Variants in PTCHD4 observed in about 807,000 individuals in gnomAD.
PTCHD4 encodes the protein patched domain containing 4.
Under a neutral mutation model 58.1 loss-of-function variants are expected in PTCHD4, and 33 were observed. That is an observed-to-expected ratio of 0.57 (90% CI 0.43 to 0.76). The LOEUF is 0.76. Ranked by LOEUF, PTCHD4 falls within the 30% of genes least tolerant of loss-of-function variation. The pLI, the probability that PTCHD4 is intolerant of heterozygous loss-of-function variation, is 0.00. For missense variants in PTCHD4, 1,058 were observed against 1,027.1 expected (o/e 1.03, Z -0.41); for synonymous variants, 478 against 409.6 (o/e 1.17, Z -2.02).
intron 3 of PTCHD4, among the ~76,000 whole-genome samples, chr6:48,015,045 T>G (rs1762820400): frequency 6.6e-6 from 1 of 152,144 alleles, no homozygotes; most frequent in African/African-American, 2.4e-5. Context: ...TTCAACTTCT[T>G]CTTTTCCCCA....
At chr6:47,974,307 C>T (rs540411032) in intron 4 of PTCHD4, among the ~76,000 whole-genome samples, 1 of 152,338 alleles carries the variant, frequency 6.6e-6, no homozygotes, top group Non-Finnish European at 1.5e-5. Context: ...TTTTCTCCTT[C>T]ATGCTTCCTA....
chr6:48,103,431 T>C (rs1308239740), intron 1 of PTCHD4, among the ~76,000 whole-genome samples: 1 of 152,078 alleles, frequency 6.6e-6, no homozygotes. Flanking sequence ...AGAAAGGACA[T>C]CCACACCAAA....
rs1250452399 is a variant in PTCHD4 at position 47,860,756 on chromosome 6, C to T, written c.*17547G>A. Among the ~76,000 whole-genome samples, 1 of 151,924 alleles carries T rather than the reference C, an allele frequency of 6.6e-6. No homozygotes were observed. The highest frequency in any genetic ancestry group is 1.5e-5 in the Non-Finnish European group (1 of 67,922). On this transcript the variant is annotated 3_prime_UTR_variant, in exon 5 of 5. Transcript: ENST00000339488. ...GGTAGAGGGTTAAAAACCCACTAGT[C>T]TACTAGTTTATTTCACTCATTGCTT...
rs1054863074 is a variant in PTCHD4, at chr6:47,864,553, G to T, written c.*13750C>A. ...TGAAAGCCATGACCCAAAGGGCATC[G>T]CATAAAGCTACGTGGATGATCAAGC... On this transcript the variant is annotated 3_prime_UTR_variant, in exon 5 of 5. Transcript: ENST00000339488. Among the ~76,000 whole-genome samples, 1 of 151,850 alleles carries T rather than the reference G, an allele frequency of 6.6e-6. No homozygotes were observed. Among genetic ancestry groups the T allele is most frequent in the Non-Finnish European group, 1.5e-5 (1 of 67,882 alleles).
In PTCHD4 at chr6:47,975,383, C is replaced by CT. The variant is rs546715742; in HGVS notation, c.898+33250dup. On this transcript the variant is annotated intron_variant, in intron 4 of 4. Transcript: ENST00000339488. ...TCTCGGCATCTGTTTTCCTAATCTT[C>CT]TTTTTTTTACATTTTTTAAAAAAAT... 1.2e-3 allele frequency among the ~76,000 whole-genome samples: 182 copies of CT among 152,010 alleles called. 1 individual carries two copies. In the South Asian group the frequency reaches 0.034, roughly 28 times the overall value.
At chr6:48,086,931 TA>T (rs1465715996) in intron 1 of PTCHD4, among the ~76,000 whole-genome samples, 1 of 152,206 alleles carries the variant, frequency 6.6e-6, no homozygotes, top group Non-Finnish European at 1.5e-5. Flanking sequence ...TTCACGTTAA[TA>T]ATGCCTTTAG....
intron 1 of PTCHD4, among the ~76,000 whole-genome samples, chr6:48,100,538 G>T (rs896011512): frequency 6.6e-6 from 1 of 152,104 alleles, no homozygotes; most frequent in African/African-American, 2.4e-5. Context: ...AAAATGAAAA[G>T]AACTCTTTCA....
chr6:47,970,034 C>T (rs904392479), intron 4 of PTCHD4, among the ~76,000 whole-genome samples: 3 of 152,080 alleles, frequency 2.0e-5, no homozygotes, highest in African/African-American at 7.2e-5. Context: ...ACAATCTGAG[C>T]ATATGGATGT....
rs968937318 is a variant in PTCHD4, at chr6:47,858,605, G to A, written c.*19698C>T. On this transcript the variant is annotated 3_prime_UTR_variant, in exon 5 of 5. Transcript: ENST00000339488. ...AACATAAATTATCAATTATTTTGGAGAGATTCTAATAAGGATAAACTAAGG... is the reference window on the plus strand; with the variant it reads ...AACATAAATTATCAATTATTTTGGAAAGATTCTAATAAGGATAAACTAAGG... Among the ~76,000 whole-genome samples, 2 of 151,988 alleles carry A rather than the reference G, an allele frequency of 1.3e-5. No homozygotes were observed. The highest frequency in any genetic ancestry group is 4.8e-5 in the African/African-American group (2 of 41,426).
chr6:47,993,042 T>G (rs1467343771), intron 4 of PTCHD4, among the ~76,000 whole-genome samples: 1 of 152,198 alleles, frequency 6.6e-6, no homozygotes, highest in African/African-American at 2.4e-5. Flanking sequence ...AATGCTATTT[T>G]CAGCTGCAAA....
rs1763406005 is a variant in PTCHD4, at chr6:47,860,737, G to C, written c.*17566C>G. Among the ~76,000 whole-genome samples the C allele has an allele frequency of 6.6e-6, 1 of 151,870 alleles. No homozygotes were observed. Among genetic ancestry groups the C allele is most frequent in the Non-Finnish European group, 1.5e-5 (1 of 67,928 alleles). On this transcript the variant is annotated 3_prime_UTR_variant, in exon 5 of 5. Transcript: ENST00000339488. ...TAAACATTTGAGAGACATAGGTAGAGGGTTAAAAACCCACTAGTCTACTAG... is the reference window on the plus strand; with the variant it reads ...TAAACATTTGAGAGACATAGGTAGACGGTTAAAAACCCACTAGTCTACTAG...
chr6:47,963,893 C>G (rs1767191639), intron 4 of PTCHD4, among the ~76,000 whole-genome samples: 1 of 152,146 alleles, frequency 6.6e-6, no homozygotes, highest in South Asian at 2.1e-4. Context: ...CATTGTGGCT[C>G]TCAAGCAAGC....
rs186603223 is a variant in PTCHD4, at chr6:48,008,749, C to G, written c.783G>C (p.Leu261=). 186 of 1,613,902 alleles carry G rather than the reference C, an allele frequency of 1.2e-4. No individual in the cohort carries two copies. In the Admixed American group the frequency reaches 2.3e-3, roughly 20 times the overall value. The part of the protein sequence containing the change: ...MKDCLRSKPF[L]GLLGVLTVCI... Reference sequence around the variant, plus strand: ...ATACTGTGAGCACCCCCAGGAGGCCCAGGAAGGGCTTACTGCGCAAGCAGT... The same window carrying G: ...ATACTGTGAGCACCCCCAGGAGGCCGAGGAAGGGCTTACTGCGCAAGCAGT... The change falls in exon 4 of 5, where the codon CTG becomes CTC. Residue 261 remains leucine, a synonymous_variant. Transcript: ENST00000339488.
intron 1 of PTCHD4, among the ~76,000 whole-genome samples, chr6:48,080,705 A>C (rs954047531): frequency 3.3e-5 from 5 of 152,216 alleles, no homozygotes; most frequent in Non-Finnish European, 7.3e-5. Flanking sequence ...AAGAAGTATA[A>C]ATGTCACTAA....
intron 4 of PTCHD4, among the ~76,000 whole-genome samples, chr6:47,958,587 G>A (rs1264891078): frequency 6.6e-6 from 1 of 152,212 alleles, no homozygotes; most frequent in Non-Finnish European, 1.5e-5. Flanking sequence ...AGCTGAGGGT[G>A]TGAGAATACT....
intron 3 of PTCHD4, among the ~76,000 whole-genome samples, chr6:48,051,565 C>A (rs926136446): frequency 1.3e-5 from 2 of 151,784 alleles, no homozygotes; most frequent in Non-Finnish European, 1.5e-5. Flanking sequence ...TGATTAATAA[C>A]CCTCATGTTT....
chr6:47,972,855 A>G (rs1767569014), intron 4 of PTCHD4, among the ~76,000 whole-genome samples: 1 of 152,100 alleles, frequency 6.6e-6, no homozygotes, highest in South Asian at 2.1e-4. Flanking sequence ...TTTAATAATA[A>G]TTATATTCAT....
chr6:48,088,118 T>G (rs1765297412), intron 1 of PTCHD4, among the ~76,000 whole-genome samples: 1 of 152,186 alleles, frequency 6.6e-6, no homozygotes, highest in African/African-American at 2.4e-5. Context: ...GATCATAGAT[T>G]CCTTGCCATT....
chr6:47,878,814 A>G lies in PTCHD4; in HGVS notation c.2021T>C (p.Phe674Ser). The change falls in exon 5 of 5, where the codon TTC (phenylalanine) becomes TCC (serine). Residue 674 changes from phenylalanine to serine, a missense_variant. Phe to Ser is a radical substitution (Grantham distance 155). Transcript: ENST00000339488. ...GTTTCCCAGAGGGTGGATCACTAGG[A>G]AAAAAGTCAGGATTAACACCAGGAG... is the stretch of plus-strand genomic sequence containing the variant. Reference protein sequence around the residue: ...GVLLVLILTFFLVIHPLGNFW... With the variant: ...GVLLVLILTFSLVIHPLGNFW... The G allele has an allele frequency of 6.2e-6, 10 of 1,613,604 alleles. No homozygotes were observed. The highest frequency in any genetic ancestry group is 8.5e-6 in the Non-Finnish European group (10 of 1,179,704).
Sources: gnomAD v4.1 joint callset for allele counts (sites outside exome capture counted in the v4.1 genomes callset) on GRCh38, gnomAD v4.1.1 for gene constraint, MANE v1.5 for transcripts, NCBI Gene and HGNC (gene_info 2026-07-23, HGNC 2026-07-21) for gene names.